Variants in WNK4 observed in about 807,000 individuals in gnomAD.
WNK4 encodes serine/threonine-protein kinase WNK4.
Under a neutral mutation model 116.2 loss-of-function variants are expected in WNK4, and 94 were observed. That is an observed-to-expected ratio of 0.81 (90% CI 0.68 to 0.96). WNK4 has a LOEUF of 0.96. Ranked by LOEUF, WNK4 falls within the 40% of genes least tolerant of loss-of-function variation. WNK4 has a pLI of 0.00. For missense variants in WNK4, 1,542 were observed against 1,650.6 expected, an observed-to-expected ratio of 0.93 and a Z score of 1.14; for synonymous variants, 655 against 672.7, an observed-to-expected ratio of 0.97 and a Z score of 0.41.
Position 42,787,487 on chromosome 17 carries a change from G to A in WNK4, c.1686G>A (p.Glu562=). ...SVFPPEPEEP[E]ADQHQPFLFR... is the part of the protein sequence containing the mutation. ...TCCCCCCTGAGCCTGAGGAGCCAGAGGCAGACCAGCACCAGCCCTTCCTTT... is the reference window on the plus strand; with the variant it reads ...TCCCCCCTGAGCCTGAGGAGCCAGAAGCAGACCAGCACCAGCCCTTCCTTT... The change falls in exon 7 of 19, where the codon GAG becomes GAA. Residue 562 remains glutamate, a synonymous_variant. Transcript: ENST00000246914. 1 of 1,611,590 alleles carries A rather than the reference G, an allele frequency of 6.2e-7. No individual in the cohort carries two copies.
rs767816280 is a variant in WNK4 at position 42,785,501 on chromosome 17, G to A, written c.1476+19G>A. 2.6e-6 allele frequency: 4 copies of A among 1,549,892 alleles called. No homozygotes were observed. Among genetic ancestry groups the A allele is most frequent in the South Asian group, 1.2e-5 (1 of 84,058 alleles). ...GGAGATGGTGAGCGGAGGACAGACT[G>A]TGCTGCCACTGGACGTGTAAAGGAC... On this transcript the variant is annotated intron_variant, in intron 6 of 18. Coordinates refer to ENST00000246914, the MANE Select transcript of WNK4 (RefSeq NM_032387.5).
intron 11 of WNK4, among the ~76,000 whole-genome samples, chr17:42,790,485 C>T (rs2054597188): frequency 1.3e-5 from 2 of 151,792 alleles, no homozygotes; most frequent in African/African-American, 2.4e-5. Flanking sequence ...ATGGGTCAGG[C>T]AGGGCTGGAG....
chr17:42,795,115 G>A lies in WNK4; in HGVS notation c.2694G>A (p.Gln898=). The change falls in exon 14 of 19, where the codon CAG becomes CAA. Residue 898 remains glutamine (Q), a synonymous_variant. Coordinates refer to ENST00000246914, the MANE Select transcript of WNK4 (RefSeq NM_032387.5). Reference sequence around the variant, plus strand: ...CTACGTTCTCTCCCACTTGTTCTCAGGTCACTCTTAGTTCCCCTTTCTTTC... The same window carrying A: ...CTACGTTCTCTCCCACTTGTTCTCAAGTCACTCTTAGTTCCCCTTTCTTTC... ...SPPTFSPTCS[Q]VTLSSPFFPP... The A allele has an allele frequency of 6.2e-7, 1 of 1,613,908 alleles. No individual in the cohort carries two copies. Among genetic ancestry groups the A allele is most frequent in the Non-Finnish European group, 8.5e-7 (1 of 1,179,966 alleles).
rs536687428 is a variant in WNK4, at chr17:42,787,709, G to T, written c.1742-69G>T. ...CAGCTCCAGGCCCCTCCTTGCTTAGGCAGGCCCCATCCTCTGCCACTATTC... is the reference window on the plus strand; with the variant it reads ...CAGCTCCAGGCCCCTCCTTGCTTAGTCAGGCCCCATCCTCTGCCACTATTC... On this transcript the variant is annotated intron_variant, in intron 7 of 18. Coordinates refer to ENST00000246914, the MANE Select transcript of WNK4 (RefSeq NM_032387.5). 3.4e-5 allele frequency: 55 copies of T among 1,603,108 alleles called. No individual in the cohort carries two copies. The South Asian group carries it at 5.8e-4, about 17-fold the overall frequency.
Position 42,781,027 on chromosome 17 carries a change from G to A in WNK4, c.329G>A (p.Trp110Ter). The change falls in exon 1 of 19, where the codon TGG (tryptophan) becomes TAG (stop). Residue 110 changes from tryptophan to a stop codon, truncating the protein, a stop_gained. Coordinates refer to ENST00000246914, the MANE Select transcript of WNK4 (RefSeq NM_032387.5). LOFTEE classifies it high-confidence loss of function. ...TCCAAAGAACCCCCCGAGGGCACGT[G>A]GACCGAGGGAGCCCCTGTGAAGGCT... is the stretch of plus-strand genomic sequence containing the variant. Reference protein sequence around the residue: ...PSSKEPPEGTWTEGAPVKAAE... With the variant: ...PSSKEPPEGT 1 of 1,610,566 alleles carries A rather than the reference G, an allele frequency of 6.2e-7. No individual in the cohort carries two copies. The highest frequency in any genetic ancestry group is 2.2e-5 in the East Asian group (1 of 44,834).
chr17:42,790,384 T>A (rs767266569), intron 11 of WNK4, among the ~76,000 whole-genome samples: 1 of 151,306 alleles, frequency 6.6e-6, no homozygotes, highest in Non-Finnish European at 1.5e-5. Context: ...AGAGAGGAAA[T>A]TAGAAATGAA....
chr17:42,788,180 C>A lies in WNK4; in HGVS notation c.1914C>A (p.Pro638=). 1.9e-6 allele frequency: 3 copies of A among 1,614,172 alleles called. No individual in the cohort carries two copies. The highest frequency in any genetic ancestry group is 2.5e-6 in the Non-Finnish European group (3 of 1,180,038). ...PRSGPGSDFS[P]GDSYASDAAS... ...CTGGCCCTGGAAGTGACTTTTCCCC[C>A]GGGGACAGGTATGTTCTGGTACAAG... The change falls in exon 9 of 19, where the codon CCC becomes CCA. Residue 638 remains proline (P), a synonymous_variant. Transcript: ENST00000246914.
At chr17:42,791,997 C>T (rs1483445772) in intron 11 of WNK4, among the ~76,000 whole-genome samples, 1 of 152,002 alleles carries the variant, frequency 6.6e-6, no homozygotes, top group African/African-American at 2.4e-5. Flanking sequence ...TGCTTCAAAG[C>T]TACTACACTG....
intron 11 of WNK4, 27 bp downstream of exon 11, chr17:42,788,824 G>A (rs2054580965): frequency 6.3e-7 from 1 of 1,580,088 alleles, no homozygotes; most frequent in Non-Finnish European, 8.7e-7. Context: ...TGAGGACAGA[G>A]TGTTTGGATC....
intron 11 of WNK4, 114 bp downstream of exon 11, chr17:42,788,911 G>C: frequency 1.1e-6 from 1 of 870,166 alleles, no homozygotes; most frequent in East Asian, 2.4e-5. Flanking sequence ...TTAAATCTCT[G>C]GTTGACACTT....
rs764305741 is a variant in WNK4, at chr17:42,784,543, C to G, written c.1134C>G (p.Cys378Trp). The G allele has an allele frequency of 6.8e-6, 11 of 1,613,966 alleles. No individual in the cohort carries two copies. The highest frequency in any genetic ancestry group is 9.3e-6 in the Non-Finnish European group (11 of 1,180,028). ...MATSEYPYSE[C>W]QNAAQIYRKV... Reference sequence around the variant, plus strand: ...CCTCTGAGTACCCGTACTCCGAGTGCCAGAATGCCGCGCAAATCTACCGCA... The same window carrying G: ...CCTCTGAGTACCCGTACTCCGAGTGGCAGAATGCCGCGCAAATCTACCGCA... The change falls in exon 4 of 19, where the codon TGC becomes TGG. Residue 378 changes from cysteine (C) to tryptophan (W), a missense_variant. Around this residue, in one of 7 missense-constraint regions of WNK4, gnomAD observed 808 missense variants for 873.6 expected, o/e 0.92. Transcript: ENST00000246914. This position sits in a 1 kb window ranked among gnomAD's most constrained non-coding sequence, Gnocchi z 4.4.
In WNK4 at chr17:42,796,834, T is replaced by G. The variant is rs1321539271; in HGVS notation, c.*146T>G. On this transcript the variant is annotated 3_prime_UTR_variant, in exon 19 of 19. Transcript: ENST00000246914. ...TAGAAGGCCAGGGGGGCATGGAGAG[T>G]GCAGCTCCATTATAGTGAAGAGCCA... is the stretch of plus-strand genomic sequence containing the variant. The G allele has an allele frequency of 6.6e-7, 1 of 1,523,524 alleles. No individual in the cohort carries two copies. Among genetic ancestry groups the G allele is most frequent in the Non-Finnish European group, 9.0e-7 (1 of 1,106,316 alleles). The allele number at this position is 1,523,524 out of a possible 1,614,324, so 94.4% of individuals were successfully genotyped here.
Position 42,782,695 on chromosome 17 carries a change from G to T in WNK4, c.619-63G>T. 6.3e-7 allele frequency: 1 copy of T among 1,598,036 alleles called. No individual in the cohort carries two copies. The highest frequency in any genetic ancestry group is 1.7e-5 in the Admixed American group (1 of 59,274). Reference sequence around the variant, plus strand: ...ACCTCTTCCCCCAACCCCACTCCAGGTGTCCCTCTTCCTTTCTGTGGGTGT... The same window carrying T: ...ACCTCTTCCCCCAACCCCACTCCAGTTGTCCCTCTTCCTTTCTGTGGGTGT... On this transcript the variant is annotated intron_variant, in intron 1 of 18. Coordinates refer to ENST00000246914, the MANE Select transcript of WNK4 (RefSeq NM_032387.5). This position sits in a 1 kb window ranked among gnomAD's most constrained non-coding sequence, Gnocchi z 4.2.
chr17:42,785,824 T>C (rs956629380), intron 6 of WNK4, among the ~76,000 whole-genome samples: 1 of 152,160 alleles, frequency 6.6e-6, no homozygotes, highest in Non-Finnish European at 1.5e-5. Context: ...ATCAGAACCA[T>C]CGATTTCGGG....
At chr17:42,787,002 A>G (rs936754603) in intron 6 of WNK4, among the ~76,000 whole-genome samples, 1 of 152,212 alleles carries the variant, frequency 6.6e-6, no homozygotes, top group African/African-American at 2.4e-5. Context: ...AGTGCCAAAC[A>G]TCTCTTCTTC....
chr17:42,786,209 G>A (rs2054547983), intron 6 of WNK4, among the ~76,000 whole-genome samples: 1 of 152,196 alleles, frequency 6.6e-6, no homozygotes, highest in Non-Finnish European at 1.5e-5. Context: ...GGAAGAGCTG[G>A]ATTGAAACTG....
chr17:42,794,753 A>C lies in WNK4; in HGVS notation c.2351-19A>C. On this transcript the variant is annotated intron_variant, in intron 13 of 18. Transcript: ENST00000246914. ...ATAGGGCATGTGGGACTGTGGTCTCAACATACCCTCCTTCCCAGAAGAGCT... is the reference window on the plus strand; with the variant it reads ...ATAGGGCATGTGGGACTGTGGTCTCCACATACCCTCCTTCCCAGAAGAGCT... 6.2e-7 allele frequency: 1 copy of C among 1,613,774 alleles called. No homozygotes were observed. Among genetic ancestry groups the C allele is most frequent in the Non-Finnish European group, 8.5e-7 (1 of 1,179,902 alleles).
rs373270346 is a variant in WNK4, at chr17:42,791,364, C to T, written c.2158-2228C>T. 3.5e-4 allele frequency among the ~76,000 whole-genome samples: 53 copies of T among 152,328 alleles called. 1 individual carries two copies. The highest frequency in any genetic ancestry group is 1.3e-3 in the African/African-American group (53 of 41,578). On this transcript the variant is annotated intron_variant, in intron 11 of 18. Transcript: ENST00000246914. ...TATTTTAAGAATAGGCTGTGCCGGGCATGGTGGCTCACGCCTGTAATCCCA... is the reference window on the plus strand; with the variant it reads ...TATTTTAAGAATAGGCTGTGCCGGGTATGGTGGCTCACGCCTGTAATCCCA...
intron 6 of WNK4, among the ~76,000 whole-genome samples, chr17:42,786,921 C>T (rs955877909): frequency 6.6e-6 from 1 of 152,160 alleles, no homozygotes; most frequent in Non-Finnish European, 1.5e-5. Flanking sequence ...TTGAGAAGAA[C>T]CCCTGGCTTC....
Sources: gnomAD v4.1 joint callset for allele counts (sites outside exome capture counted in the v4.1 genomes callset) on GRCh38, gnomAD v4.1.1 for gene constraint, gnomAD v4.1.1 regional missense constraint, Gnocchi (gnomAD v3.1) non-coding constraint, MANE v1.5 for transcripts, NCBI Gene and HGNC (gene_info 2026-07-23, HGNC 2026-07-21) for gene names.